TTF2: variants seen among roughly 807,000 people sequenced by gnomAD.
TTF2 encodes the protein transcription termination factor 2.
A neutral mutation model predicts 142.4 loss-of-function variants in TTF2; 108 were observed. The observed-to-expected ratio is 0.76, with a 90% CI of 0.65 to 0.89. The LOEUF (loss-of-function observed/expected upper bound fraction) is 0.89. Among genes scored for constraint, TTF2 ranks in the 40% least tolerant of loss-of-function variants. The pLI, the probability that TTF2 is intolerant of heterozygous loss-of-function variation, is 0.00. For missense variants in TTF2, 1,327 were observed against 1,379.8 expected, an observed-to-expected ratio of 0.96 and a Z score of 0.61; for synonymous variants, 483 against 506.2, an observed-to-expected ratio of 0.95 and a Z score of 0.61.
chr1:117,076,782 C>T lies in TTF2; in HGVS notation c.1532C>T (p.Ala511Val), dbSNP rs1440218916. ...GTGGGTTCTCTAGAACTAAAGTCTG[C>T]CTGCCAGGTGACTGCTGGAGGATCC... ...QPVGSLELKS[A>V]CQVTAGGSSQ... is the part of the protein sequence containing the mutation. The change falls in exon 7 of 23, where the codon GCC (alanine) becomes GTC (valine). Residue 511 changes from alanine to valine, a missense_variant. Transcript: ENST00000369466. The surrounding 1 kb of genome is among the most constrained non-coding windows in gnomAD (Gnocchi z 4.6). 1 of 1,613,934 alleles carries T rather than the reference C, an allele frequency of 6.2e-7. No individual in the cohort carries two copies. The highest frequency in any genetic ancestry group is 1.7e-5 in the Admixed American group (1 of 59,994).
Position 117,086,369 on chromosome 1 carries a change from C to A in TTF2, c.2055-48C>A. ...AGATCAACTCTGCCTCTCTCATTGTCCCTCTATAGTGGGACCATTTATTGA... is the reference window on the plus strand; with the variant it reads ...AGATCAACTCTGCCTCTCTCATTGTACCTCTATAGTGGGACCATTTATTGA... On this transcript the variant is annotated intron_variant, in intron 11 of 22. Coordinates refer to ENST00000369466, the MANE Select transcript of TTF2 (RefSeq NM_003594.4). This position sits in a 1 kb window ranked among gnomAD's most constrained non-coding sequence, Gnocchi z 4.2. The A allele has an allele frequency of 1.5e-6, 2 of 1,368,684 alleles. No homozygotes were observed. Among genetic ancestry groups the A allele is most frequent in the Non-Finnish European group, 2.1e-6 (2 of 960,008 alleles). The allele number at this position is 1,368,684 out of a possible 1,614,324, so 84.8% of individuals were successfully genotyped here.
chr1:117,086,247 A>ATGTG lies in TTF2; in HGVS notation c.2055-149_2055-146dup, dbSNP rs3831091. ...CAAGTGGGTAAAATTTACCTCCAAA[A>ATGTG]TGTGTGTGTGTGTGTGTGTGTGTGC... On this transcript the variant is annotated intron_variant, in intron 11 of 22. Coordinates refer to ENST00000369466, the MANE Select transcript of TTF2 (RefSeq NM_003594.4). This position sits in a 1 kb window ranked among gnomAD's most constrained non-coding sequence, Gnocchi z 4.2. 0.01 allele frequency among the ~76,000 whole-genome samples: 1,557 copies of ATGTG among 148,884 alleles called. 20 individuals are homozygous for ATGTG. Among genetic ancestry groups the ATGTG allele is most frequent in the African/African-American group, 0.029 (1,197 of 40,746 alleles).
chr1:117,077,790 G>A, intron 7 of TTF2, 126 bp from the exon 8 acceptor site: 1 of 1,318,880 alleles, frequency 7.6e-7, no homozygotes, highest in Non-Finnish European at 1.1e-6. Flanking sequence ...GACATGGAAA[G>A]TTGAGGAGAG....
rs1210118523 is a variant in TTF2, at chr1:117,100,861, G to A, written c.3345-519G>A. 1.3e-5 allele frequency among the ~76,000 whole-genome samples: 2 copies of A among 151,992 alleles called. No homozygotes were observed. Among genetic ancestry groups the A allele is most frequent in the African/African-American group, 4.8e-5 (2 of 41,358 alleles). On this transcript the variant is annotated intron_variant, in intron 22 of 22. Coordinates refer to ENST00000369466, the MANE Select transcript of TTF2 (RefSeq NM_003594.4). The surrounding 1 kb of genome is among the most constrained non-coding windows in gnomAD (Gnocchi z 4.6). ...GTTTGTCTCGCTTTTGTTCTGCTTT[G>A]GAGCAAGACTATATTCATCTCTCCA...
intron 3 of TTF2, among the ~76,000 whole-genome samples, chr1:117,071,859 G>C (rs924697051): frequency 6.6e-6 from 1 of 152,060 alleles, no homozygotes. Context: ...TTATTAGGTT[G>C]GTGTAAATGT....
rs755054068 is a variant in TTF2 at position 117,076,209 on chromosome 1, T to C, written c.1305T>C (p.Ala435=). ...CACTGGCATCAGTGAACATCCAGGC[T>C]CTTCCAGACAAGGGTCAGAAGTTGA... ...KSTLASVNIQ[A]LPDKGQKLIK... is the part of the protein sequence containing the mutation. Residue 435 remains alanine, a synonymous_variant, in exon 6 of 23, where the codon GCT becomes GCC. Transcript: ENST00000369466. The surrounding 1 kb of genome is among the most constrained non-coding windows in gnomAD (Gnocchi z 4.6). The C allele has an allele frequency of 1.6e-5, 26 of 1,613,978 alleles. No individual in the cohort carries two copies. Among genetic ancestry groups the C allele is most frequent in the Non-Finnish European group, 2.1e-5 (25 of 1,179,876 alleles).
At chr1:117,091,566 C>G (rs141985160) in intron 16 of TTF2, among the ~76,000 whole-genome samples, 156 bp downstream of exon 16, 2 of 152,158 alleles carry the variant, frequency 1.3e-5, no homozygotes, top group Non-Finnish European at 2.9e-5. Flanking sequence ...ATTGCAAACA[C>G]GAGATCTGGT....
intron 8 of TTF2, among the ~76,000 whole-genome samples, chr1:117,078,867 A>T (rs1345106322): frequency 6.6e-6 from 1 of 152,180 alleles, no homozygotes; most frequent in Non-Finnish European, 1.5e-5. Flanking sequence ...TGCAGAAAGG[A>T]GAGGCAAATT....
At position 117,095,419 on chromosome 1, in the gene TTF2, T is replaced by C. The variant is rs532012477; in HGVS notation, c.3035+52T>C. 1.1e-5 allele frequency: 17 copies of C among 1,553,734 alleles called. No individual in the cohort carries two copies. In the South Asian group the frequency reaches 1.9e-4, roughly 17 times the overall value. ...TATTGGTCATAATTATGTGAGAAAA[T>C]TTGATATTGCCAAGAGTTATAAATC... On this transcript the variant is annotated intron_variant, in intron 19 of 22. Coordinates refer to ENST00000369466, the MANE Select transcript of TTF2 (RefSeq NM_003594.4).
In TTF2 at chr1:117,088,897, G is replaced by A. The variant is rs1445155483; in HGVS notation, c.2257G>A (p.Val753Met). 4.3e-6 allele frequency: 7 copies of A among 1,614,154 alleles called. No individual in the cohort carries two copies. The highest frequency in any genetic ancestry group is 5.9e-6 in the Non-Finnish European group (7 of 1,180,008). Residue 753 changes from valine to methionine, a missense_variant, in exon 13 of 23, where the codon GTG becomes ATG. By Grantham distance (21) the Val-to-Met change is conservative. Transcript: ENST00000369466. The part of the protein sequence containing the change: ...KNPRVQTSIA[V>M]CKLQACARWA... ...TCCCCGAGTGCAGACTTCCATAGCT[G>A]TGTGTAAGCTACAAGCCTGTGCCCG... is the stretch of plus-strand genomic sequence containing the variant.
Position 117,079,310 on chromosome 1 carries a change from T to C in TTF2, c.1702-258T>C, listed in dbSNP as rs1205032052. Among the ~76,000 whole-genome samples, 2 of 152,150 alleles carry C rather than the reference T, an allele frequency of 1.3e-5. No homozygotes were observed. Among genetic ancestry groups the C allele is most frequent in the Non-Finnish European group, 2.9e-5 (2 of 68,026 alleles). On this transcript the variant is annotated intron_variant, in intron 8 of 22. Transcript: ENST00000369466. The surrounding 1 kb of genome is among the most constrained non-coding windows in gnomAD (Gnocchi z 4.2). ...TGATTAAGCAGACAAATCAGGACTC[T>C]CACTTGGGGTGTAGGGGGGACTCTT...
chr1:117,102,755 A>C lies in TTF2; in HGVS notation c.*1231A>C, dbSNP rs554767558. 8.6e-5 allele frequency: 13 copies of C among 150,778 alleles called. No individual in the cohort carries two copies. The South Asian group carries it at 2.7e-3, about 32-fold the overall frequency. The allele number at this position is 150,778 out of a possible 1,614,324, so 9.3% of individuals were successfully genotyped here. A position where few individuals can be genotyped will look rare whatever the true frequency, so the allele number is the denominator to read the frequency against. Reference sequence around the variant, plus strand: ...AATACTAATCCAATCCAATACTAATAATACTATTGGTACAATCCAATACTA... The same window carrying C: ...AATACTAATCCAATCCAATACTAATCATACTATTGGTACAATCCAATACTA... On this transcript the variant is annotated 3_prime_UTR_variant, in exon 23 of 23. Coordinates refer to ENST00000369466, the MANE Select transcript of TTF2 (RefSeq NM_003594.4).
Position 117,076,421 on chromosome 1 carries a change from T to TTACAC in TTF2, c.1390+127_1390+128insTACAC. On this transcript the variant is annotated intron_variant, in intron 6 of 22. Coordinates refer to ENST00000369466, the MANE Select transcript of TTF2 (RefSeq NM_003594.4). This position sits in a 1 kb window ranked among gnomAD's most constrained non-coding sequence, Gnocchi z 4.6. ...CATTTTATTATCTGCTTCTGAGACTTCTTTCACATTACACCTATGGTTCAT... is the reference window on the plus strand; with the variant it reads ...CATTTTATTATCTGCTTCTGAGACTTTACACCTTTCACATTACACCTATGGTTCAT... The TTACAC allele has an allele frequency of 1.1e-6, 1 of 907,930 alleles. No homozygotes were observed. Among genetic ancestry groups the TTACAC allele is most frequent in the Non-Finnish European group, 1.7e-6 (1 of 601,246 alleles). The allele number at this position is 907,930 out of a possible 1,614,324, so 56.2% of individuals were successfully genotyped here.
chr1:117,082,100 T>C (rs1438219174), intron 10 of TTF2, 153 bp downstream of exon 10: 5 of 1,141,102 alleles, frequency 4.4e-6, no homozygotes, highest in Non-Finnish European at 3.8e-6. Flanking sequence ...ATATCATTTC[T>C]GATGCTGAGT....
In TTF2 at chr1:117,104,984, A is replaced by G. The variant is rs960294280; in HGVS notation, c.*3460A>G. The stretch of plus-strand genomic sequence containing the variant: ...ACCTTCTAGCGATGGGCAGCATCCC[A>G]CAACACAGTGGTCTAATTGAGGTGC... On this transcript the variant is annotated 3_prime_UTR_variant, in exon 23 of 23. Coordinates refer to ENST00000369466, the MANE Select transcript of TTF2 (RefSeq NM_003594.4). The G allele has an allele frequency of 6.6e-6, 1 of 152,254 alleles. No individual in the cohort carries two copies. The highest frequency in any genetic ancestry group is 2.4e-5 in the African/African-American group (1 of 41,462). 9.4% of individuals were successfully genotyped at this position (152,254 alleles called of 1,614,324 possible).
Position 117,075,928 on chromosome 1 carries a change from A to C in TTF2, c.1275+69A>C. ...TTGTTATGGGCAGATATGAGATCTC[A>C]TTGCTACAGAAGGGTTAAATATGTT... On this transcript the variant is annotated intron_variant, in intron 5 of 22. Transcript: ENST00000369466. This position sits in a 1 kb window ranked among gnomAD's most constrained non-coding sequence, Gnocchi z 4.5. 3.9e-6 allele frequency: 6 copies of C among 1,523,380 alleles called. No homozygotes were observed. The highest frequency in any genetic ancestry group is 2.8e-5 in the African/African-American group (2 of 72,074). 94.4% of individuals were successfully genotyped at this position (1,523,380 alleles called of 1,614,324 possible).
intron 10 of TTF2, 87 bp downstream of exon 10, chr1:117,082,034 C>T: frequency 1.9e-6 from 3 of 1,589,186 alleles, no homozygotes; most frequent in Non-Finnish European, 2.6e-6. Flanking sequence ...AAAAGGACAC[C>T]TTTGGTCATA....
Position 117,074,797 on chromosome 1 carries a change from TGAAAA to T in TTF2, c.286-71_286-67del, listed in dbSNP as rs1656857139. The T allele has an allele frequency of 3.7e-6, 5 of 1,366,952 alleles. No individual in the cohort carries two copies. The South Asian group carries it at 6.4e-5, about 17-fold the overall frequency. 84.7% of individuals were successfully genotyped at this position (1,366,952 alleles called of 1,614,324 possible). A position where few individuals can be genotyped will look rare whatever the true frequency, so the allele number is the denominator to read the frequency against. ...CCTGTATATAAAATAAAAGTTGAGA[TGAAAA>T]GGAAAGGCATTCTAGATACGAAGTT... is the stretch of plus-strand genomic sequence containing the variant. On this transcript the variant is annotated intron_variant, in intron 4 of 22. Transcript: ENST00000369466.
chr1:117,089,884 C>T (rs777190920), intron 13 of TTF2, among the ~76,000 whole-genome samples, 171 bp from the exon 14 acceptor site: 1 of 152,084 alleles, frequency 6.6e-6, no homozygotes, highest in African/African-American at 2.4e-5. Flanking sequence ...TGACTTACAT[C>T]CTTTTGATCT....
Sources: allele counts gnomAD v4.1 joint callset (sites outside exome capture counted in the v4.1 genomes callset), GRCh38; gene constraint gnomAD v4.1.1; non-coding constraint Gnocchi (gnomAD v3.1); transcripts MANE v1.5; gene names NCBI Gene and HGNC (gene_info 2026-07-23, HGNC 2026-07-21).